Variants in RARB observed in about 807,000 individuals in gnomAD.
RARB encodes retinoic acid receptor beta.
A neutral mutation model predicts 51.9 loss-of-function variants in RARB; 17 were observed. The observed-to-expected ratio is 0.33, with a 90% confidence interval of 0.22 to 0.49. RARB has a LOEUF of 0.49. Ranked by LOEUF, RARB falls within the 20% of genes least tolerant of loss-of-function variation. The pLI is 0.99. For synonymous variants in RARB, 215 were observed against 195.4 expected (o/e 1.10, Z -0.84); for missense variants, 369 against 550.8 (o/e 0.67, Z 3.30).
chr3:25,571,172 TAAAC>T (rs1263810398), intron 4 of RARB, among the ~76,000 whole-genome samples: 2 of 152,176 alleles, frequency 1.3e-5, no homozygotes, highest in Non-Finnish European at 2.9e-5. Context: ...GCACCCACCT[TAAAC>T]AGACAAGTCT....
chr3:25,096,056 G>C (rs1699287330), intron 3 of RARB, among the ~76,000 whole-genome samples: 2 of 152,140 alleles, frequency 1.3e-5, no homozygotes, highest in South Asian at 4.1e-4. Context: ...TCATTTCCCT[G>C]CTGCCACAAT....
At chr3:25,118,867 ACTTTAATTTT>A (rs1181462144) in intron 3 of RARB, among the ~76,000 whole-genome samples, 6 of 152,164 alleles carry the variant, frequency 3.9e-5, no homozygotes, top group Non-Finnish European at 8.8e-5. Context: ...TTAAGGTATA[ACTTTAATTTT>A]TATCTCAAAA....
intron 5 of RARB, among the ~76,000 whole-genome samples, chr3:25,199,119 A>G (rs1333337438): frequency 6.6e-6 from 1 of 152,158 alleles, no homozygotes; most frequent in African/African-American, 2.4e-5. Context: ...CAACCATGAA[A>G]AACAATGAGA....
At chr3:24,973,977 T>A (rs572647358) in intron 2 of RARB, among the ~76,000 whole-genome samples, 1 of 152,050 alleles carries the variant, frequency 6.6e-6, no homozygotes, top group Admixed American at 6.6e-5. Flanking sequence ...GCCAGAACTT[T>A]CAGTACTGTG....
At chr3:24,981,097 G>T (rs936529908) in intron 2 of RARB, among the ~76,000 whole-genome samples, 3 of 152,182 alleles carry the variant, frequency 2.0e-5, no homozygotes, top group African/African-American at 7.2e-5. Context: ...ACCAGCGGAG[G>T]CTGCAGAACA....
chr3:25,000,063 C>A (rs924854831), intron 2 of RARB, among the ~76,000 whole-genome samples: 1 of 152,056 alleles, frequency 6.6e-6, no homozygotes, highest in Non-Finnish European at 1.5e-5. Context: ...GGCAACAGAG[C>A]TCCGGCTTCA....
intron 3 of RARB, among the ~76,000 whole-genome samples, chr3:25,534,501 T>C (rs767811825): frequency 2.4e-4 from 37 of 152,178 alleles, no homozygotes; most frequent in Non-Finnish European, 5.1e-4. Context: ...GAATGTCATG[T>C]GTGCTTCTCC....
At chr3:24,994,863 C>T (rs1323474976) in intron 2 of RARB, among the ~76,000 whole-genome samples, 4 of 151,972 alleles carry the variant, frequency 2.6e-5, no homozygotes, top group Non-Finnish European at 5.9e-5. Context: ...TGTCAGTTTT[C>T]ATGCCAGTAC....
chr3:24,852,989 A>G (rs1702580502), intron 1 of RARB, among the ~76,000 whole-genome samples: 1 of 152,110 alleles, frequency 6.6e-6, no homozygotes, highest in Non-Finnish European at 1.5e-5. Flanking sequence ...ATTGTATGGT[A>G]TATAAACTAT....
intron 4 of RARB, among the ~76,000 whole-genome samples, chr3:25,579,082 C>A (rs900219028): frequency 1.3e-5 from 2 of 152,174 alleles, no homozygotes; most frequent in African/African-American, 4.8e-5. Context: ...ATCTCTAACA[C>A]CTAATAGCTC....
chr3:25,233,327 T>A (rs1042775981), intron 5 of RARB, among the ~76,000 whole-genome samples: 1 of 152,154 alleles, frequency 6.6e-6, no homozygotes, highest in African/African-American at 2.4e-5. Flanking sequence ...AACCCCATCA[T>A]AAGTCAAGGA....
intron 5 of RARB, among the ~76,000 whole-genome samples, chr3:25,286,549 A>G (rs1703662088): frequency 6.6e-6 from 1 of 152,136 alleles, no homozygotes; most frequent in South Asian, 2.1e-4. Flanking sequence ...GACTTCATTC[A>G]TCATTATACA....
At chr3:25,017,067 G>A (rs1697525429) in intron 2 of RARB, among the ~76,000 whole-genome samples, 1 of 152,114 alleles carries the variant, frequency 6.6e-6, no homozygotes, top group South Asian at 2.1e-4. Context: ...AAGGAATTAG[G>A]CTCTACTTCT....
At chr3:25,072,923 C>T (rs1385850650) in intron 3 of RARB, among the ~76,000 whole-genome samples, 3 of 151,996 alleles carry the variant, frequency 2.0e-5, no homozygotes, top group East Asian at 3.9e-4. Context: ...TGGTCTCGAT[C>T]TCCTGACCTG....
chr3:24,909,286 T>A (rs1376129347), intron 2 of RARB, among the ~76,000 whole-genome samples: 1 of 152,240 alleles, frequency 6.6e-6, no homozygotes, highest in Non-Finnish European at 1.5e-5. Context: ...AAATATTCAT[T>A]GAGCACCTAC....
At chr3:25,525,518 A>G (rs62235696) in intron 3 of RARB, among the ~76,000 whole-genome samples, 22,641 of 152,036 alleles carry the variant, frequency 0.15, 2,128 homozygotes, top group African/African-American at 0.26. Flanking sequence ...TGACTCATTC[A>G]TTTATTCACA....
intron 5 of RARB, among the ~76,000 whole-genome samples, chr3:25,277,142 C>T (rs1166193864): frequency 6.6e-6 from 1 of 152,290 alleles, no homozygotes; most frequent in South Asian, 2.1e-4. Context: ...AGAAAAGAAG[C>T]TCAAACCTTC....
chr3:25,502,772 C>T (rs1339348068), intron 3 of RARB, among the ~76,000 whole-genome samples: 2 of 152,158 alleles, frequency 1.3e-5, no homozygotes, highest in Non-Finnish European at 2.9e-5. Flanking sequence ...CACAAGTACC[C>T]CTGGTGGCCA....
chr3:25,309,155 T>TC (rs1704224525), intron 5 of RARB, among the ~76,000 whole-genome samples: 1 of 141,288 alleles, frequency 7.1e-6, no homozygotes, highest in African/African-American at 2.6e-5. Context: ...TTTTTTTTTT[T>TC]TGAGATGGAG....
Sources: gnomAD v4.1 joint callset for allele counts (sites outside exome capture counted in the v4.1 genomes callset) on GRCh38, gnomAD v4.1.1 for gene constraint, MANE v1.5 for transcripts, NCBI Gene and HGNC (gene_info 2026-07-23, HGNC 2026-07-21) for gene names.